Variants in SKP1 observed in about 807,000 individuals in gnomAD.
The protein encoded by SKP1 is S-phase kinase-associated protein 1.
SKP1 carries 1 observed loss-of-function variant against 21.5 expected under a neutral mutation model. The observed-to-expected ratio is 0.05, with a 90% CI of 0.02 to 0.22. SKP1 has a LOEUF of 0.22. SKP1 is among the 10% of genes least tolerant of loss of function. SKP1 has a pLI of 1.00. For missense variants in SKP1, 70 were observed against 192.0 expected, an observed-to-expected ratio of 0.36 and a Z score of 3.76; for synonymous variants, 59 against 59.3, an observed-to-expected ratio of 0.99 and a Z score of 0.03.
At chr5:134,161,260 T>A (rs1276094602) in intron 3 of SKP1, 130 bp from the exon 4 acceptor site, 1 of 716,540 alleles carries the variant, frequency 1.4e-6, no homozygotes, top group East Asian at 2.8e-5. Context: ...ACAGCCAAGC[T>A]TGAAAAACAA....
At chr5:134,167,143 TA>T in intron 3 of SKP1, 26 bp downstream of exon 3, 1 of 1,261,542 alleles carries the variant, frequency 7.9e-7, no homozygotes, top group Non-Finnish European at 1.2e-6. Context: ...TTAAGCAGAA[TA>T]AACTTAAACT....
intron 2 of SKP1, 195 bp downstream of exon 2, chr5:134,173,731 G>C (rs758269071): frequency 1.5e-6 from 1 of 673,976 alleles, no homozygotes; most frequent in African/African-American, 1.8e-5. Flanking sequence ...ATGAGAGAAC[G>C]ACCCTCACTA....
intron 2 of SKP1, among the ~76,000 whole-genome samples, chr5:134,171,936 T>C (rs1340355307): frequency 6.6e-6 from 1 of 152,072 alleles, no homozygotes; most frequent in Non-Finnish European, 1.5e-5. Flanking sequence ...CCCAGCTACT[T>C]GGGAGGCGGA....
chr5:134,150,182 T>C lies in SKP1; in HGVS notation c.*7551A>G, dbSNP rs1324223448. On this transcript the variant is annotated 3_prime_UTR_variant, in exon 6 of 6. Coordinates refer to ENST00000353411, the MANE Select transcript of SKP1 (RefSeq NM_170679.3). ...CAGCCCAGCAAGCAGACAAAGCCTA[T>C]GTCTCCCAACGTGAAGGTGTCTACT... is the stretch of plus-strand genomic sequence containing the variant. The C allele has an allele frequency of 6.6e-6, 1 of 152,226 alleles. No individual in the cohort carries two copies. The highest frequency in any genetic ancestry group is 2.4e-5 in the African/African-American group (1 of 41,442). 9.4% of individuals were successfully genotyped at this position (152,226 alleles called of 1,614,324 possible).
At position 134,149,480 on chromosome 5, in the gene SKP1, C is replaced by T. The variant is rs1761006375; in HGVS notation, c.*8253G>A. On this transcript the variant is annotated 3_prime_UTR_variant, in exon 6 of 6. Coordinates refer to ENST00000353411, the MANE Select transcript of SKP1 (RefSeq NM_170679.3). Reference sequence around the variant, plus strand: ...CATGGGACAGCCACTGGGCCACCATCATGCATTGTCATTGTCACTCCACTG... The same window carrying T: ...CATGGGACAGCCACTGGGCCACCATTATGCATTGTCATTGTCACTCCACTG... The T allele has an allele frequency of 6.6e-6, 1 of 152,250 alleles. No homozygotes were observed. Among genetic ancestry groups the T allele is most frequent in the African/African-American group, 2.4e-5 (1 of 41,462 alleles). The allele number at this position is 152,250 out of a possible 1,614,324, so 9.4% of individuals were successfully genotyped here. A position where few individuals can be genotyped will look rare whatever the true frequency, so the allele number is the denominator to read the frequency against.
rs372943240 is a variant in SKP1 at position 134,152,155 on chromosome 5, A to G, written c.*5578T>C. 1.3e-5 allele frequency: 2 copies of G among 152,234 alleles called. No individual in the cohort carries two copies. Among genetic ancestry groups the G allele is most frequent in the Non-Finnish European group, 2.9e-5 (2 of 68,052 alleles). The allele number at this position is 152,234 out of a possible 1,614,324, so 9.4% of individuals were successfully genotyped here. The stretch of plus-strand genomic sequence containing the variant: ...CTAACTGTAAAACCCCCAACATTCA[A>G]AAGACTGGTTTAGTTGAACAGCCAA... On this transcript the variant is annotated 3_prime_UTR_variant, in exon 6 of 6. Transcript: ENST00000353411.
At chr5:134,159,665 G>A (rs1397765438) in intron 4 of SKP1, among the ~76,000 whole-genome samples, 1 of 151,476 alleles carries the variant, frequency 6.6e-6, no homozygotes, top group East Asian at 1.9e-4. Context: ...CTCCTGCCTC[G>A]GCCTCCCGAG....
chr5:134,171,343 C>CT (rs1761436999), intron 2 of SKP1, among the ~76,000 whole-genome samples: 1 of 152,152 alleles, frequency 6.6e-6, no homozygotes, highest in African/African-American at 2.4e-5. Context: ...GAAATGTCCC[C>CT]TTTTCCCTTG....
At chr5:134,170,220 G>A (rs9327680) in intron 2 of SKP1, among the ~76,000 whole-genome samples, 7,231 of 152,142 alleles carry the variant, frequency 0.048, 490 homozygotes, top group African/African-American at 0.15. Context: ...GTAAAGGATT[G>A]TAAAGCTAAT....
At chr5:134,174,892 C>T (rs1371689003) in intron 1 of SKP1, 1 of 149,126 alleles carries the variant, frequency 6.7e-6, no homozygotes, top group East Asian at 2.0e-4. Context: ...AGAAAACATA[C>T]AAACAAGGAA....
At chr5:134,168,785 C>T (rs1251543878) in intron 2 of SKP1, among the ~76,000 whole-genome samples, 3 of 151,952 alleles carry the variant, frequency 2.0e-5, no homozygotes, top group Non-Finnish European at 1.5e-5. Context: ...GATGAAGTTG[C>T]CACCAATTGG....
At chr5:134,159,551 T>TC (rs1761181458) in intron 4 of SKP1, among the ~76,000 whole-genome samples, 2 of 151,242 alleles carry the variant, frequency 1.3e-5, no homozygotes, top group South Asian at 4.2e-4. Context: ...CAGCTAATTT[T>TC]TTTTTTTTTT....
intron 2 of SKP1, among the ~76,000 whole-genome samples, chr5:134,169,466 G>A (rs1330700553): frequency 6.6e-6 from 1 of 152,182 alleles, no homozygotes; most frequent in Admixed American, 6.5e-5. Context: ...GTTATAAAAT[G>A]TAAAATACTT....
At chr5:134,173,793 AG>A (rs1380224125) in intron 2 of SKP1, 132 bp downstream of exon 2, 1 of 715,106 alleles carries the variant, frequency 1.4e-6, no homozygotes, top group African/African-American at 1.8e-5. Flanking sequence ...TAAGTTATAA[AG>A]AAAAAAATGT....
chr5:134,158,326 C>T, intron 5 of SKP1, 129 bp downstream of exon 5: 3 of 1,566,490 alleles, frequency 1.9e-6, no homozygotes, highest in Non-Finnish European at 2.6e-6. Flanking sequence ...ATGTTTAAGA[C>T]ACATTAAGTA....
At chr5:134,169,089 G>T (rs1010359847) in intron 2 of SKP1, among the ~76,000 whole-genome samples, 2 of 152,140 alleles carry the variant, frequency 1.3e-5, no homozygotes, top group Non-Finnish European at 2.9e-5. Flanking sequence ...GAGGTAAGCA[G>T]TAAGTGGAAT....
At chr5:134,172,272 C>A (rs1367087050) in intron 2 of SKP1, among the ~76,000 whole-genome samples, 1 of 152,220 alleles carries the variant, frequency 6.6e-6, no homozygotes, top group African/African-American at 2.4e-5. Context: ...ACCTTCTTTT[C>A]ACCAGCACCA....
chr5:134,167,275 T>C (rs1195546571), intron 2 of SKP1, 32 bp from the exon 3 acceptor site: 4 of 1,358,774 alleles, frequency 2.9e-6, no homozygotes, highest in Non-Finnish European at 3.2e-6. Context: ...TTCTATTTCC[T>C]AATTCCATTA....
In SKP1 at chr5:134,160,979, A is replaced by G. The variant is rs376975213; in HGVS notation, c.315+8T>C. 23 of 1,607,572 alleles carry G rather than the reference A, an allele frequency of 1.4e-5. No individual in the cohort carries two copies. In the African/African-American group the frequency reaches 2.9e-4, roughly 21 times the overall value. ...AGAGTAGAGCTATCTTACACATTAA[A>G]AACTTACCAGAATGAGTTCAAAAAG... On this transcript the variant is annotated splice_region_variant and intron_variant, in intron 4 of 5. Coordinates refer to ENST00000353411, the MANE Select transcript of SKP1 (RefSeq NM_170679.3).
Sources: allele counts gnomAD v4.1 joint callset (sites outside exome capture counted in the v4.1 genomes callset), GRCh38; gene constraint gnomAD v4.1.1; transcripts MANE v1.5; gene names NCBI Gene and HGNC (gene_info 2026-07-23, HGNC 2026-07-21).